MAPK10: variants seen among roughly 807,000 people sequenced by gnomAD.
The protein encoded by MAPK10 is mitogen-activated protein kinase 10.
MAPK10 carries 25 observed loss-of-function variants against 59.3 expected under a neutral mutation model. The observed-to-expected ratio is 0.42, with a 90% CI of 0.31 to 0.59. The LOEUF (loss-of-function observed/expected upper bound fraction) is 0.59, where lower values mean the gene tolerates loss of function less well. Ranked by LOEUF, MAPK10 falls within the 20% of genes least tolerant of loss-of-function variation. The probability of loss-of-function intolerance (pLI) is 0.15; values close to 1 mark genes in which losing one functional copy is unlikely to be tolerated. For synonymous variants in MAPK10, 190 were observed against 200.5 expected (o/e 0.95, Z 0.44); for missense variants, 351 against 568.9 (o/e 0.62, Z 3.90).
At chr4:86,559,363 A>G (rs534587132) in intron 1 of MAPK10, among the ~76,000 whole-genome samples, 2 of 151,824 alleles carry the variant, frequency 1.3e-5, no homozygotes, top group Non-Finnish European at 2.9e-5. Flanking sequence ...CTATTGAGAG[A>G]TATCTCTGTT....
chr4:86,215,889 G>A (rs2087389383), intron 2 of MAPK10, among the ~76,000 whole-genome samples: 1 of 152,052 alleles, frequency 6.6e-6, no homozygotes, highest in Non-Finnish European at 1.5e-5. Flanking sequence ...AAGTATTCAA[G>A]TTACCATCTC....
At chr4:86,064,149 GACTTAGAAATTTT>G in intron 11 of MAPK10, 104 bp downstream of exon 11, 1 of 1,293,466 alleles carries the variant, frequency 7.7e-7, no homozygotes, top group Non-Finnish European at 1.1e-6. Flanking sequence ...ATAGGCTTTG[GACTTAGAAATTTT>G]ATAAAAATCC....
At chr4:86,335,007 T>C (rs1023991171) in intron 2 of MAPK10, 1 of 152,132 alleles carries the variant, frequency 6.6e-6, no homozygotes. Context: ...AAGAGGAATA[T>C]GATTAATGCC....
At chr4:86,526,586 C>A (rs1370188648) in intron 1 of MAPK10, among the ~76,000 whole-genome samples, 1 of 152,016 alleles carries the variant, frequency 6.6e-6, no homozygotes, top group Non-Finnish European at 1.5e-5. Flanking sequence ...GACTTTGGCT[C>A]CAATTTTAGT....
intron 9 of MAPK10, among the ~76,000 whole-genome samples, chr4:86,094,514 G>A (rs1553977065): frequency 1.3e-5 from 2 of 151,848 alleles, no homozygotes; most frequent in African/African-American, 2.4e-5. Context: ...ACATCACAGG[G>A]TTTGCTCAAA....
intron 11 of MAPK10, among the ~76,000 whole-genome samples, chr4:86,037,402 C>T (rs1016669587): frequency 3.3e-5 from 5 of 151,952 alleles, no homozygotes; most frequent in African/African-American, 1.2e-4. Flanking sequence ...TGCCTGTGTT[C>T]CCAGCTACTC....
intron 9 of MAPK10, chr4:86,089,492 C>T (rs561348353): frequency 2.2e-4 from 103 of 477,114 alleles, no homozygotes; most frequent in African/African-American, 1.6e-3. Flanking sequence ...AATAACAACA[C>T]TACCCAATGC....
At chr4:86,203,603 T>A (rs2083134823) in intron 2 of MAPK10, among the ~76,000 whole-genome samples, 1 of 151,248 alleles carries the variant, frequency 6.6e-6, no homozygotes. Context: ...TAAGTAATTT[T>A]TGTATTTATT....
intron 1 of MAPK10, among the ~76,000 whole-genome samples, chr4:86,401,429 A>G (rs573107926): frequency 2.0e-5 from 3 of 152,296 alleles, no homozygotes; most frequent in African/African-American, 7.2e-5. Flanking sequence ...AATGTAGGAA[A>G]TTGTGTTAAA....
chr4:86,025,579 T>C (rs1749762398), intron 13 of MAPK10: 1 of 398,084 alleles, frequency 2.5e-6, no homozygotes, highest in African/African-American at 2.1e-5. Flanking sequence ...CTTTCTATAT[T>C]ATTTAAGAGA....
chr4:86,130,621 G>A (rs937366116), intron 4 of MAPK10, among the ~76,000 whole-genome samples: 3 of 152,134 alleles, frequency 2.0e-5, no homozygotes, highest in Non-Finnish European at 4.4e-5. Context: ...GCATCAGCAG[G>A]GAAAGTAGAT....
chr4:86,263,227 T>C (rs2094085926), intron 2 of MAPK10, among the ~76,000 whole-genome samples: 1 of 152,198 alleles, frequency 6.6e-6, no homozygotes, highest in Non-Finnish European at 1.5e-5. Context: ...CATGTTTAAA[T>C]TAGTTCTTTT....
At chr4:86,216,469 T>C (rs2087671284) in intron 2 of MAPK10, among the ~76,000 whole-genome samples, 1 of 151,668 alleles carries the variant, frequency 6.6e-6, no homozygotes, top group Non-Finnish European at 1.5e-5. Flanking sequence ...AATTTTATGT[T>C]CTGTGTATTT....
intron 1 of MAPK10, among the ~76,000 whole-genome samples, chr4:86,586,099 T>C (rs1259527879): frequency 6.6e-6 from 1 of 152,206 alleles, no homozygotes; most frequent in Non-Finnish European, 1.5e-5. Context: ...GATTAGAGCA[T>C]ATTCACATTA....
intron 1 of MAPK10, among the ~76,000 whole-genome samples, chr4:86,450,578 C>T (rs1329944044): frequency 6.6e-6 from 1 of 152,068 alleles, no homozygotes; most frequent in East Asian, 1.9e-4. Flanking sequence ...CGTCAGTTAC[C>T]CCTAGGGTAT....
chr4:86,132,623 A>C (rs1051219554), intron 4 of MAPK10, among the ~76,000 whole-genome samples: 2 of 152,200 alleles, frequency 1.3e-5, no homozygotes, highest in Non-Finnish European at 2.9e-5. Context: ...TGGGTGAGCA[A>C]GCAAAGCTTC....
rs867789965 is a variant in MAPK10, at chr4:86,162,135, G to A, written c.67-2668C>T. Among the ~76,000 whole-genome samples the A allele has an allele frequency of 3.4e-4, 51 of 151,842 alleles. 1 individual carries two copies. Among genetic ancestry groups the A allele is most frequent in the Middle Eastern group, 3.4e-3 (1 of 294 alleles). ...CCAAAAAAAGATAAGGTTCAGTCTA[G>A]AATGAAGACAATTAAATAAGAAAGT... On this transcript the variant is annotated intron_variant, in intron 3 of 13. Transcript: ENST00000641462.
chr4:86,126,002 T>C (rs1483381476), intron 4 of MAPK10: 2 of 152,106 alleles, frequency 1.3e-5, no homozygotes, highest in African/African-American at 4.8e-5. Flanking sequence ...GATTCCTACA[T>C]GCAGGACATA....
intron 2 of MAPK10, among the ~76,000 whole-genome samples, chr4:86,277,975 C>T (rs2094644640): frequency 6.6e-6 from 1 of 151,916 alleles, no homozygotes; most frequent in African/African-American, 2.4e-5. Context: ...ATATATATCA[C>T]AAAGTATAAC....
Sources: gnomAD v4.1 joint callset for allele counts (sites outside exome capture counted in the v4.1 genomes callset) on GRCh38, gnomAD v4.1.1 for gene constraint, MANE v1.5 for transcripts, NCBI Gene and HGNC (gene_info 2026-07-23, HGNC 2026-07-21) for gene names.